ZNF407: variants seen among roughly 807,000 people sequenced by gnomAD.
ZNF407 encodes the protein zinc finger protein 407.
Under a neutral mutation model 131.2 loss-of-function variants are expected in ZNF407, and 17 were observed. The observed-to-expected ratio is 0.13, with a 90% CI of 0.09 to 0.19. The LOEUF is 0.19. Ranked by LOEUF, ZNF407 falls within the 10% of genes least tolerant of loss-of-function variation. The pLI is 1.00. For missense variants in ZNF407, 2,681 were observed against 2,830.6 expected, an observed-to-expected ratio of 0.95 and a Z score of 1.20; for synonymous variants, 1,156 against 1,062.0, an observed-to-expected ratio of 1.09 and a Z score of -1.72.
chr18:74,767,006 G>A (rs2144989006), intron 3 of ZNF407, among the ~76,000 whole-genome samples: 1 of 152,174 alleles, frequency 6.6e-6, no homozygotes, highest in Non-Finnish European at 1.5e-5. Context: ...CCGTCTGCCA[G>A]CTTCAAGCGA....
At chr18:74,753,739 G>A (rs1380576900) in intron 3 of ZNF407, among the ~76,000 whole-genome samples, 1 of 152,190 alleles carries the variant, frequency 6.6e-6, no homozygotes, top group Non-Finnish European at 1.5e-5. Flanking sequence ...TTGATATGCT[G>A]CTGGATTTGT....
At chr18:74,737,144 C>T (rs562607418) in intron 3 of ZNF407, among the ~76,000 whole-genome samples, 17 of 152,286 alleles carry the variant, frequency 1.1e-4, no homozygotes, top group African/African-American at 4.1e-4. Flanking sequence ...AATATCATTG[C>T]TGCCACTGAA....
chr18:75,053,965 C>T (rs988879714), intron 8 of ZNF407, among the ~76,000 whole-genome samples: 12 of 152,200 alleles, frequency 7.9e-5, no homozygotes, highest in African/African-American at 2.9e-4. Context: ...CCTCCTGCAC[C>T]CTTTCTCCTG....
intron 8 of ZNF407, among the ~76,000 whole-genome samples, chr18:74,979,895 C>A (rs1483914565): frequency 6.6e-6 from 1 of 152,130 alleles, no homozygotes; most frequent in African/African-American, 2.4e-5. Flanking sequence ...ACTAATCCAG[C>A]TGAAAGATGA....
chr18:74,904,912 A>G (rs1162722991), intron 7 of ZNF407, among the ~76,000 whole-genome samples: 3 of 152,228 alleles, frequency 2.0e-5, no homozygotes, highest in African/African-American at 7.2e-5. Context: ...AGCATTTGGA[A>G]TAATGTGGAA....
intron 6 of ZNF407, among the ~76,000 whole-genome samples, chr18:74,887,657 T>C (rs148854224): frequency 1.2e-4 from 18 of 152,258 alleles, no homozygotes; most frequent in African/African-American, 3.9e-4. Flanking sequence ...TTGACAATTA[T>C]CAGTGTTTAG....
intron 8 of ZNF407, among the ~76,000 whole-genome samples, chr18:75,005,356 C>CTAT (rs1430608541): frequency 6.6e-6 from 1 of 151,924 alleles, no homozygotes; most frequent in Admixed American, 6.6e-5. Context: ...TTCTCTAGAG[C>CTAT]TATTGTTTGG....
chr18:74,774,064 A>AC (rs1284280886), intron 3 of ZNF407, among the ~76,000 whole-genome samples: 1 of 152,242 alleles, frequency 6.6e-6, no homozygotes, highest in Admixed American at 6.5e-5. Context: ...GCCAACTTTG[A>AC]AGAGTTTCCA....
At chr18:74,798,119 A>G (rs1969954920) in intron 4 of ZNF407, among the ~76,000 whole-genome samples, 1 of 152,016 alleles carries the variant, frequency 6.6e-6, no homozygotes, top group South Asian at 2.1e-4. Context: ...ATAAAATACA[A>G]ACCAGTACAT....
chr18:74,703,249 G>A lies in ZNF407; in HGVS notation c.4802+62127G>A, dbSNP rs1967542239. On this transcript the variant is annotated intron_variant, in intron 3 of 8. Transcript: ENST00000299687. The surrounding 1 kb of genome is among the most constrained non-coding windows in gnomAD (Gnocchi z 4.1). ...TGTCCCACCCAACTAGATGTGTAAG[G>A]AAAGAGAATTCTGAGAAATGTAGTT... is the stretch of plus-strand genomic sequence containing the variant. 1.3e-5 allele frequency among the ~76,000 whole-genome samples: 2 copies of A among 152,130 alleles called. No individual in the cohort carries two copies.
At chr18:75,010,121 A>G (rs1972956506) in intron 8 of ZNF407, among the ~76,000 whole-genome samples, 1 of 152,196 alleles carries the variant, frequency 6.6e-6, no homozygotes, top group Admixed American at 6.5e-5. Flanking sequence ...AAATCACGCT[A>G]GTAGTCATCC....
At chr18:74,793,915 G>A (rs1217320724) in intron 4 of ZNF407, among the ~76,000 whole-genome samples, 3 of 152,166 alleles carry the variant, frequency 2.0e-5, no homozygotes, top group East Asian at 1.9e-4. Context: ...GAGAGCTACC[G>A]CCAGGCTTTC....
At position 74,631,380 on chromosome 18, in the gene ZNF407, A is replaced by T. The variant is rs778000156; in HGVS notation, c.361A>T (p.Thr121Ser). 5.6e-6 allele frequency: 9 copies of T among 1,613,914 alleles called. No individual in the cohort carries two copies. In the South Asian group the frequency reaches 9.9e-5, roughly 18 times the overall value. Reference protein sequence around the residue: ...TGKETFLSDCTVGGTCLPNAL... With the variant: ...TGKETFLSDCSVGGTCLPNAL... ...GAAGGAGACCTTTCTGAGTGACTGC[A>T]CAGTTGGAGGCACATGTCTCCCAAA... is the stretch of plus-strand genomic sequence containing the variant. The change falls in exon 2 of 9, where the codon ACA (threonine) becomes TCA (serine). Residue 121 changes from threonine to serine, a missense_variant. Thr to Ser is a moderately conservative substitution (Grantham distance 58, BLOSUM62 1). Around this residue, in one of 6 missense-constraint regions of ZNF407, gnomAD observed 1,789 missense variants for 1,748.7 expected, o/e 1.02. Transcript: ENST00000299687.
rs965201097 is a variant in ZNF407 at position 74,634,652 on chromosome 18, G to T, written c.3633G>T (p.Glu1211Asp). 1 of 1,613,992 alleles carries T rather than the reference G, an allele frequency of 6.2e-7. No individual in the cohort carries two copies. The highest frequency in any genetic ancestry group is 8.5e-7 in the Non-Finnish European group (1 of 1,179,894). Residue 1211 changes from glutamate to aspartate, a missense_variant, in exon 2 of 9, where the codon GAG (glutamate) becomes GAT (aspartate). Physicochemically the swap from Glu to Asp is conservative, Grantham distance 45 (BLOSUM62 2). Coordinates refer to ENST00000299687, the MANE Select transcript of ZNF407 (RefSeq NM_017757.3). ...ENSGSSALNCETAKKNHEISN... is the reference protein window; with the variant it reads ...ENSGSSALNCDTAKKNHEISN... The stretch of plus-strand genomic sequence containing the variant: ...CAGGAAGCTCTGCCTTAAATTGTGA[G>T]ACAGCAAAGAAAAACCATGAGATAT...
chr18:74,872,319 A>G (rs1399970575), intron 4 of ZNF407, among the ~76,000 whole-genome samples: 2 of 152,064 alleles, frequency 1.3e-5, no homozygotes, highest in East Asian at 1.9e-4. Flanking sequence ...TTTTAATACA[A>G]TCACCTTTTT....
chr18:74,827,378 TTTC>T (rs1420227051), intron 4 of ZNF407, among the ~76,000 whole-genome samples: 1 of 152,208 alleles, frequency 6.6e-6, no homozygotes, highest in Non-Finnish European at 1.5e-5. Flanking sequence ...TCTGTTGACA[TTTC>T]TTTTCACTTT....
chr18:74,664,752 C>G (rs948519855), intron 3 of ZNF407, among the ~76,000 whole-genome samples: 4 of 151,648 alleles, frequency 2.6e-5, no homozygotes, highest in Non-Finnish European at 4.4e-5. Flanking sequence ...CATTTCTTAC[C>G]CTCTCTTATA....
intron 1 of ZNF407, among the ~76,000 whole-genome samples, chr18:74,619,239 C>T (rs1250805949): frequency 6.6e-6 from 1 of 152,116 alleles, no homozygotes; most frequent in Non-Finnish European, 1.5e-5. Context: ...GAATCTTAGT[C>T]CCTAAAACTG....
At chr18:74,708,227 T>G (rs1186415445) in intron 3 of ZNF407, among the ~76,000 whole-genome samples, 2 of 152,230 alleles carry the variant, frequency 1.3e-5, no homozygotes, top group Non-Finnish European at 2.9e-5. Flanking sequence ...TTTGGTAGTT[T>G]GGTGTGCAAA....
Sources: allele counts gnomAD v4.1 joint callset (sites outside exome capture counted in the v4.1 genomes callset), GRCh38; gene constraint gnomAD v4.1.1; regional missense constraint gnomAD v4.1.1; non-coding constraint Gnocchi (gnomAD v3.1); transcripts MANE v1.5; gene names NCBI Gene and HGNC (gene_info 2026-07-23, HGNC 2026-07-21).